Variants in BANK1 observed in about 807,000 individuals in gnomAD.
BANK1 encodes B-cell scaffold protein with ankyrin repeats.
BANK1 carries 95 observed loss-of-function variants against 94.5 expected under a neutral mutation model. The ratio of observed to expected loss-of-function variants is 1.00; its 90% CI spans 0.85 to 1.19. BANK1 has a LOEUF of 1.19. Among genes scored for constraint, BANK1 ranks in the 50% most tolerant of loss-of-function variants. The probability of loss-of-function intolerance (pLI) is 0.00; values close to 1 mark genes in which losing one functional copy is unlikely to be tolerated. For synonymous variants in BANK1, 334 were observed against 308.4 expected, an observed-to-expected ratio of 1.08 and a Z score of -0.87; for missense variants, 987 against 932.2, an observed-to-expected ratio of 1.06 and a Z score of -0.77.
chr4:101,957,585 CTT>C (rs1724390628), intron 7 of BANK1, among the ~76,000 whole-genome samples: 1 of 152,148 alleles, frequency 6.6e-6, no homozygotes, highest in South Asian at 2.1e-4. Context: ...AGGGAAAACT[CTT>C]GGGACACTGA....
chr4:102,054,473 G>A (rs1415023390), intron 11 of BANK1, among the ~76,000 whole-genome samples: 2 of 151,984 alleles, frequency 1.3e-5, no homozygotes, highest in Non-Finnish European at 1.5e-5. Flanking sequence ...AAAGAGCTTT[G>A]AGCCCTCATC....
chr4:101,829,914 A>G lies in BANK1; in HGVS notation c.177A>G (p.Leu59=). 6.2e-7 allele frequency: 1 copy of G among 1,613,962 alleles called. No individual in the cohort carries two copies. The highest frequency in any genetic ancestry group is 8.5e-7 in the Non-Finnish European group (1 of 1,179,904). Residue 59 remains leucine, a synonymous_variant, in exon 2 of 17, where the codon TTA becomes TTG. Coordinates refer to ENST00000322953, the MANE Select transcript of BANK1 (RefSeq NM_017935.5). The stretch of plus-strand genomic sequence containing the variant: ...TTGTGAAAAGGGAAGCCATCCTGTT[A>G]TATCGCTTGGAGAATTTCTCTTTTC... The part of the protein sequence containing the change: ...LHVVKREAIL[L]YRLENFSFRH...
intron 11 of BANK1, among the ~76,000 whole-genome samples, chr4:102,048,536 T>G (rs943204710): frequency 5.3e-5 from 8 of 152,140 alleles, no homozygotes; most frequent in Non-Finnish European, 1.0e-4. Flanking sequence ...GGAAAAGCAG[T>G]ACATACTTCA....
chr4:101,968,166 T>C (rs762965255), intron 7 of BANK1, among the ~76,000 whole-genome samples: 1 of 152,082 alleles, frequency 6.6e-6, no homozygotes, highest in Non-Finnish European at 1.5e-5. Flanking sequence ...TAGTTACTCA[T>C]TGAGTCTTAC....
At chr4:102,013,759 A>T (rs902461298) in intron 7 of BANK1, among the ~76,000 whole-genome samples, 1 of 151,976 alleles carries the variant, frequency 6.6e-6, no homozygotes, top group Non-Finnish European at 1.5e-5. Context: ...TCCAATTTGA[A>T]CACATCTGAT....
chr4:101,798,057 C>T (rs960998014), intron 1 of BANK1, among the ~76,000 whole-genome samples: 1 of 152,072 alleles, frequency 6.6e-6, no homozygotes, highest in Non-Finnish European at 1.5e-5. Flanking sequence ...TAGAATGTTT[C>T]AGGAAGGTAA....
chr4:101,963,500 A>G (rs1291274947), intron 7 of BANK1, among the ~76,000 whole-genome samples: 1 of 152,080 alleles, frequency 6.6e-6, no homozygotes, highest in Non-Finnish European at 1.5e-5. Context: ...TTGTTTACAC[A>G]TATGCCATTT....
At chr4:101,997,420 G>A (rs2148934856) in intron 7 of BANK1, among the ~76,000 whole-genome samples, 1 of 152,168 alleles carries the variant, frequency 6.6e-6, no homozygotes, top group East Asian at 1.9e-4. Context: ...GCCAGGTTTT[G>A]GTATCAGGAT....
rs1157018312 is a variant in BANK1, at chr4:102,060,364, A to G, written c.2123A>G (p.Lys708Arg). ...LEKFKHWQMG[K>R]SGLEMIQQEK... is the part of the protein sequence containing the mutation. ...AAATTTAAACACTGGCAGATGGGAA[A>G]AAGTGGCCTGGAAATGATTCAGCAG... Residue 708 changes from lysine to arginine, a missense_variant, in exon 12 of 17, where the codon AAA (lysine) becomes AGA (arginine). By Grantham distance (26) the Lys-to-Arg change is conservative. Coordinates refer to ENST00000322953, the MANE Select transcript of BANK1 (RefSeq NM_017935.5). 1 of 1,609,496 alleles carries G rather than the reference A, an allele frequency of 6.2e-7. No homozygotes were observed. The highest frequency in any genetic ancestry group is 1.1e-5 in the South Asian group (1 of 90,092).
At chr4:101,809,395 T>C (rs1304652787) in intron 1 of BANK1, among the ~76,000 whole-genome samples, 3 of 152,142 alleles carry the variant, frequency 2.0e-5, no homozygotes, top group Admixed American at 2.0e-4. Context: ...TTAGGTACAG[T>C]GTACACTGCT....
intron 1 of BANK1, among the ~76,000 whole-genome samples, chr4:101,816,219 A>G (rs761532583): frequency 2.7e-4 from 41 of 152,358 alleles, no homozygotes; most frequent in Non-Finnish European, 3.2e-4. Context: ...ACTGAGAAAC[A>G]TGAGTTCAAG....
At chr4:102,046,213 A>G (rs1258955640) in intron 11 of BANK1, among the ~76,000 whole-genome samples, 1 of 151,998 alleles carries the variant, frequency 6.6e-6, no homozygotes, top group Non-Finnish European at 1.5e-5. Context: ...TATTTAATAA[A>G]TGGTGCTGGG....
At chr4:101,801,871 C>T (rs552396576) in intron 1 of BANK1, among the ~76,000 whole-genome samples, 1 of 152,296 alleles carries the variant, frequency 6.6e-6, no homozygotes, top group Non-Finnish European at 1.5e-5. Context: ...CTGTTGAACA[C>T]TTTTTAACAC....
intron 7 of BANK1, among the ~76,000 whole-genome samples, chr4:101,979,665 C>A (rs180913681): frequency 7.9e-5 from 12 of 151,882 alleles, no homozygotes; most frequent in Non-Finnish European, 1.3e-4. Context: ...TTCTTAAGGA[C>A]TGCTAACATA....
chr4:101,861,048 C>T (rs1296288995), intron 3 of BANK1, among the ~76,000 whole-genome samples: 1 of 152,278 alleles, frequency 6.6e-6, no homozygotes, highest in East Asian at 1.9e-4. Flanking sequence ...ATGTGAGGAA[C>T]AGGAGGGCTT....
intron 7 of BANK1, among the ~76,000 whole-genome samples, chr4:101,935,841 T>G (rs1723511194): frequency 6.6e-6 from 1 of 151,580 alleles, no homozygotes; most frequent in Admixed American, 6.6e-5. Flanking sequence ...TAGATGGTCC[T>G]GGGAAAGCTG....
At position 101,933,312 on chromosome 4, in the gene BANK1, G is replaced by GAA. The variant is rs35218054; in HGVS notation, c.1206+15138_1206+15139dup. The stretch of plus-strand genomic sequence containing the variant: ...CACCAGAGAGACCGGTAAGAAAGGA[G>GAA]AAAAAAAAAAAAAAAAGCTAAGCAT... On this transcript the variant is annotated intron_variant, in intron 7 of 16. Coordinates refer to ENST00000322953, the MANE Select transcript of BANK1 (RefSeq NM_017935.5). Among the ~76,000 whole-genome samples, 511 of 105,722 alleles carry GAA rather than the reference G, an allele frequency of 4.8e-3. 5 individuals carry two copies. The highest frequency in any genetic ancestry group is 0.011 in the East Asian group (43 of 3,786). The allele number at this position is 105,722 out of a possible 152,430, so 69.4% of individuals were successfully genotyped here. A position where few individuals can be genotyped will look rare whatever the true frequency, so the allele number is the denominator to read the frequency against.
chr4:101,943,404 G>A (rs1723816930), intron 7 of BANK1, among the ~76,000 whole-genome samples: 1 of 151,862 alleles, frequency 6.6e-6, no homozygotes. Context: ...AACTGAGGTA[G>A]TGACAGAGGG....
intron 7 of BANK1, among the ~76,000 whole-genome samples, chr4:101,952,172 T>C (rs1451363850): frequency 1.3e-5 from 2 of 152,186 alleles, no homozygotes; most frequent in Non-Finnish European, 2.9e-5. Context: ...ACTGTGACTT[T>C]AAGCAAAATG....
Sources: gnomAD v4.1 joint callset for allele counts (sites outside exome capture counted in the v4.1 genomes callset) on GRCh38, gnomAD v4.1.1 for gene constraint, MANE v1.5 for transcripts, NCBI Gene and HGNC (gene_info 2026-07-23, HGNC 2026-07-21) for gene names.